Variants in TTC7A observed in about 807,000 individuals in gnomAD.
TTC7A encodes tetratricopeptide repeat protein 7A.
A neutral mutation model predicts 103.7 loss-of-function variants in TTC7A; 110 were observed. The ratio of observed to expected loss-of-function variants is 1.06; its 90% CI spans 0.91 to 1.24. TTC7A has a LOEUF of 1.24. Among genes scored for constraint, TTC7A ranks in the 50% most tolerant of loss-of-function variants. The pLI is 0.00. For synonymous variants in TTC7A, 521 were observed against 467.9 expected (o/e 1.11, Z -1.47); for missense variants, 1,340 against 1,116.3 (o/e 1.20, Z -2.86).
intron 15 of TTC7A, chr2:47,045,430 C>T (rs752651765): frequency 1.3e-5 from 2 of 152,294 alleles, no homozygotes; most frequent in Non-Finnish European, 2.9e-5. Context: ...GGGAGCCAGC[C>T]ATCCCCGCTG....
intron 15 of TTC7A, among the ~76,000 whole-genome samples, chr2:47,037,583 A>G (rs1681250248): frequency 1.3e-5 from 2 of 152,250 alleles, no homozygotes; most frequent in Admixed American, 1.3e-4. Flanking sequence ...AACCCATGCC[A>G]GCTGATTGGC....
chr2:47,070,296 AC>A (rs755380758), intron 19 of TTC7A, among the ~76,000 whole-genome samples: 34 of 152,194 alleles, frequency 2.2e-4, no homozygotes, highest in Non-Finnish European at 1.2e-4. Context: ...GTGAGCCCAG[AC>A]CCTAGCAAGA....
intron 19 of TTC7A, among the ~76,000 whole-genome samples, chr2:47,064,973 G>T (rs1684068446): frequency 6.6e-6 from 1 of 152,214 alleles, no homozygotes; most frequent in African/African-American, 2.4e-5. Flanking sequence ...GATACTCAGG[G>T]AAAACGAGAA....
At chr2:47,039,318 G>A (rs1174469112) in intron 15 of TTC7A, among the ~76,000 whole-genome samples, 1 of 152,216 alleles carries the variant, frequency 6.6e-6, no homozygotes, top group Non-Finnish European at 1.5e-5. Context: ...GTAAAAATGT[G>A]CACCCGACGT....
At chr2:47,038,707 A>G (rs1392573730) in intron 15 of TTC7A, among the ~76,000 whole-genome samples, 1 of 124,694 alleles carries the variant, frequency 8.0e-6, no homozygotes, top group Non-Finnish European at 1.6e-5. Flanking sequence ...GGGATCCGGA[A>G]TTGCTGCCCA....
chr2:46,926,625 G>T (rs1669397029), intron 2 of TTC7A, among the ~76,000 whole-genome samples: 2 of 152,166 alleles, frequency 1.3e-5, no homozygotes, highest in African/African-American at 4.8e-5. Context: ...AGCCCCCCCA[G>T]GTGCCTAGAA....
rs116672631 is a variant in TTC7A at position 47,020,687 on chromosome 2, G to C, written c.1393-1175G>C. Among the ~76,000 whole-genome samples the C allele has an allele frequency of 3.6e-3, 543 of 152,376 alleles. 6 individuals carry two copies. The highest frequency in any genetic ancestry group is 0.012 in the African/African-American group (499 of 41,580). ...CATGCAGCTTTCTCGGCTTCTCTGT[G>C]CCTTGCCTCTCTGCTCTTTCAGTTT... On this transcript the variant is annotated intron_variant, in intron 11 of 19. Transcript: ENST00000319190.
At chr2:46,990,500 C>T (rs1050437013) in intron 5 of TTC7A, among the ~76,000 whole-genome samples, 6 of 152,224 alleles carry the variant, frequency 3.9e-5, no homozygotes, top group African/African-American at 1.4e-4. Flanking sequence ...CTCTCCCCTA[C>T]TCATGAGCTC....
At position 47,011,436 on chromosome 2, in the gene TTC7A, G is replaced by T; in HGVS notation, c.1392+1G>T. The T allele has an allele frequency of 6.2e-7, 1 of 1,603,624 alleles. No individual in the cohort carries two copies. The highest frequency in any genetic ancestry group is 1.1e-5 in the South Asian group (1 of 90,648). The stretch of plus-strand genomic sequence containing the variant: ...GGTCTGCATCGGGTCCCTTCGCTGG[G>T]TGAGTGAGCTGTGAGGGCAGGTCCC... On this transcript the variant is annotated splice_donor_variant, in intron 11 of 19. Coordinates refer to ENST00000319190, the MANE Select transcript of TTC7A (RefSeq NM_020458.4). LOFTEE classifies it high-confidence loss of function.
intron 2 of TTC7A, among the ~76,000 whole-genome samples, chr2:46,934,714 C>T (rs978985257): frequency 1.3e-5 from 2 of 150,380 alleles, no homozygotes; most frequent in South Asian, 2.1e-4. Flanking sequence ...CAAAAAAACC[C>T]GCACTTCAAA....
intron 16 of TTC7A, chr2:47,047,046 G>GC: frequency 1.9e-6 from 1 of 532,964 alleles, no homozygotes; most frequent in Non-Finnish European, 3.3e-6. Flanking sequence ...ATGGGCCAGA[G>GC]CAGGGCACTC....
chr2:46,955,741 C>T (rs140597185), intron 2 of TTC7A, among the ~76,000 whole-genome samples: 23 of 152,316 alleles, frequency 1.5e-4, no homozygotes, highest in African/African-American at 4.6e-4. Flanking sequence ...TGGAGGCTTG[C>T]CCTGGGGTCA....
At chr2:47,040,680 C>T (rs1184587271) in intron 15 of TTC7A, among the ~76,000 whole-genome samples, 1 of 152,190 alleles carries the variant, frequency 6.6e-6, no homozygotes, top group Non-Finnish European at 1.5e-5. Context: ...GGCCGGCCTG[C>T]GGCTTCAAAG....
chr2:46,978,940 C>G (rs367614488), intron 5 of TTC7A, 33 bp downstream of exon 5: 17 of 1,506,908 alleles, frequency 1.1e-5, no homozygotes, highest in Non-Finnish European at 1.6e-5. Context: ...AGTGGGAGAA[C>G]GATTCCCCTG....
In TTC7A at chr2:46,941,402, G is replaced by C. The variant is rs1670357619; in HGVS notation, c.-140G>C. ...TGCTGCTGCCCACCCTCCGCCGCCCGGGCCCCCGCTGCCGCCCGGGCCCCG... is the reference window on the plus strand; with the variant it reads ...TGCTGCTGCCCACCCTCCGCCGCCCCGGCCCCCGCTGCCGCCCGGGCCCCG... On this transcript the variant is annotated 5_prime_UTR_variant, in exon 1 of 20. Transcript: ENST00000319190. The surrounding 1 kb of genome is among the most constrained non-coding windows in gnomAD (Gnocchi z 4.2). The C allele has an allele frequency of 5.5e-6, 4 of 732,128 alleles. No individual in the cohort carries two copies. The East Asian group carries it at 1.8e-4, about 33-fold the overall frequency. 45.4% of individuals were successfully genotyped at this position (732,128 alleles called of 1,614,324 possible). A position where few individuals can be genotyped will look rare whatever the true frequency, so the allele number is the denominator to read the frequency against.
At chr2:46,988,673 C>T (rs771066701) in intron 5 of TTC7A, among the ~76,000 whole-genome samples, 8 of 152,204 alleles carry the variant, frequency 5.3e-5, no homozygotes, top group Non-Finnish European at 8.8e-5. Context: ...GATGACCAGG[C>T]ACTTGGTAGG....
intron 5 of TTC7A, among the ~76,000 whole-genome samples, chr2:46,987,375 G>T (rs773358089): frequency 1.3e-5 from 2 of 152,230 alleles, no homozygotes; most frequent in Non-Finnish European, 2.9e-5. Context: ...TAGGGGTGAA[G>T]CAGTGGGGGC....
intron 3 of TTC7A, among the ~76,000 whole-genome samples, chr2:46,970,349 C>G (rs1438472090): frequency 1.3e-5 from 2 of 152,134 alleles, no homozygotes; most frequent in Non-Finnish European, 2.9e-5. Context: ...TGGGGAGGCC[C>G]CTGCGGGGAG....
chr2:46,982,327 T>C (rs1674552502), intron 5 of TTC7A, among the ~76,000 whole-genome samples: 1 of 152,046 alleles, frequency 6.6e-6, no homozygotes, highest in Admixed American at 6.5e-5. Context: ...TGAGCTGTGA[T>C]TGTGCCACTG....
Sources: allele counts gnomAD v4.1 joint callset (sites outside exome capture counted in the v4.1 genomes callset), GRCh38; gene constraint gnomAD v4.1.1; non-coding constraint Gnocchi (gnomAD v3.1); transcripts MANE v1.5; gene names NCBI Gene and HGNC (gene_info 2026-07-23, HGNC 2026-07-21).